Variants in FAM153A observed in about 807,000 individuals in gnomAD.
FAM153A encodes the protein protein FAM153A.
Under a neutral mutation model 48.1 loss-of-function variants are expected in FAM153A, and 12 were observed. That is an observed-to-expected ratio of 0.25 (90% CI 0.16 to 0.40). The LOEUF (loss-of-function observed/expected upper bound fraction) is 0.40, where lower values mean the gene tolerates loss of function less well. Ranked by LOEUF, FAM153A falls within the 10% of genes least tolerant of loss-of-function variation. The pLI is 1.00. For missense variants in FAM153A, 111 were observed against 345.8 expected, an observed-to-expected ratio of 0.32 and a Z score of 5.38; for synonymous variants, 36 against 118.2, an observed-to-expected ratio of 0.30 and a Z score of 4.51.
chr5:177,705,107 C>T (rs200784047), downstream of FAM153A, among the ~76,000 whole-genome samples: 4 of 150,468 alleles, frequency 2.7e-5, no homozygotes, highest in East Asian at 7.8e-4. Context: ...AGTTCAAAAC[C>T]AGCCTGGCCA....
chr5:177,754,378 C>T (rs1360822627), upstream of FAM153A, among the ~76,000 whole-genome samples: 2 of 151,578 alleles, frequency 1.3e-5, no homozygotes, highest in Admixed American at 1.3e-4. Context: ...CTCAAGGAGG[C>T]CTGCCTGCCT....
the FAM153A span, among the ~76,000 whole-genome samples, chr5:177,696,132 T>C: frequency 2.0e-3 from 190 of 94,410 alleles, 8 homozygotes; most frequent in African/African-American, 8.7e-3. Context: ...GAGGCGCTCC[T>C]CACTTCCCAG....
At chr5:177,707,795 A>G (rs1757997552), downstream of FAM153A, among the ~76,000 whole-genome samples, 1 of 151,792 alleles carries the variant, frequency 6.6e-6, no homozygotes, top group Non-Finnish European at 1.5e-5. Flanking sequence ...TCCTGACCTC[A>G]GGTGATCCAC....
upstream of FAM153A, among the ~76,000 whole-genome samples, chr5:177,781,885 A>ATC (rs1389910607): frequency 1.5e-5 from 1 of 67,272 alleles, no homozygotes; most frequent in Non-Finnish European, 3.1e-5. Context: ...CGCCCGGCTA[A>ATC]TTTTTTTTTT....
chr5:177,737,873 C>A (rs1194060848), intron 10 of FAM153A, among the ~76,000 whole-genome samples: 1 of 151,708 alleles, frequency 6.6e-6, no homozygotes, highest in Non-Finnish European at 1.5e-5. Context: ...GAGATTAATT[C>A]TATTAAAATA....
chr5:177,694,672 C>A, the FAM153A span, among the ~76,000 whole-genome samples: 1 of 85,732 alleles, frequency 1.2e-5, no homozygotes, highest in Non-Finnish European at 2.3e-5. Flanking sequence ...ACTGATAACA[C>A]CAACGTTGCA....
At chr5:177,698,446 T>C in the FAM153A span, among the ~76,000 whole-genome samples, 1 of 151,886 alleles carries the variant, frequency 6.6e-6, no homozygotes, top group South Asian at 2.1e-4. Context: ...ACTGACAAAC[T>C]TGGACACGGT....
At chr5:177,759,497 C>T (rs1768093404) in intron 1 of FAM153A, among the ~76,000 whole-genome samples, 1 of 151,702 alleles carries the variant, frequency 6.6e-6, no homozygotes, top group Non-Finnish European at 1.5e-5. Context: ...AATCATGCTG[C>T]TATAAAGACA....
intron 1 of FAM153A, among the ~76,000 whole-genome samples, chr5:177,759,187 C>T (rs1768057409): frequency 6.6e-6 from 1 of 151,886 alleles, no homozygotes; most frequent in Admixed American, 6.5e-5. Flanking sequence ...CAAAAGAAGA[C>T]ATTTATGCAG....
At chr5:177,781,271 T>C (rs1420620764), upstream of FAM153A, among the ~76,000 whole-genome samples, 1 of 136,992 alleles carries the variant, frequency 7.3e-6, no homozygotes, top group African/African-American at 3.0e-5. Context: ...GCTATTTTTT[T>C]TTTTTTTTTT....
At chr5:177,706,184 A>AT (rs1757869058), downstream of FAM153A, among the ~76,000 whole-genome samples, 3 of 118,304 alleles carry the variant, frequency 2.5e-5, no homozygotes, top group South Asian at 7.6e-4. Context: ...GTTGGAAAAA[A>AT]TATGTTTTTT....
chr5:177,705,266 T>C (rs1421723662), downstream of FAM153A, among the ~76,000 whole-genome samples: 1 of 151,688 alleles, frequency 6.6e-6, no homozygotes, highest in African/African-American at 2.4e-5. Flanking sequence ...ATCATGCCAC[T>C]ATACTCCAGC....
intron 1 of FAM153A, among the ~76,000 whole-genome samples, chr5:177,769,651 G>A (rs1768997321): frequency 1.0e-5 from 1 of 96,442 alleles, no homozygotes; most frequent in Non-Finnish European, 2.1e-5. Flanking sequence ...GCTCAAGAGA[G>A]CTCAATGTGT....
At chr5:177,704,395 G>C (rs1582087281), downstream of FAM153A, among the ~76,000 whole-genome samples, 1 of 50,478 alleles carries the variant, frequency 2.0e-5, no homozygotes, top group Non-Finnish European at 3.5e-5. Flanking sequence ...GCATGGTGGG[G>C]GGTGATTGGA....
chr5:177,722,239 C>G (rs1430736678), downstream of FAM153A: 2 of 125,404 alleles, frequency 1.6e-5, no homozygotes, highest in Non-Finnish European at 3.3e-5. Context: ...AAGTGATTCT[C>G]CTGCCTCAGC....
intron 10 of FAM153A, among the ~76,000 whole-genome samples, chr5:177,738,503 G>C (rs1446970301): frequency 6.6e-6 from 1 of 151,404 alleles, no homozygotes; most frequent in Non-Finnish European, 1.5e-5. Flanking sequence ...ACACATAGGT[G>C]CTAAAACTCT....
intron 1 of FAM153A, among the ~76,000 whole-genome samples, chr5:177,752,618 CAAAAAAA>C (rs71274705): frequency 6.4e-5 from 2 of 31,012 alleles, no homozygotes; most frequent in South Asian, 3.2e-3. Flanking sequence ...GAGACTCTGC[CAAAAAAA>C]AAAAAAAAAA....
downstream of FAM153A, among the ~76,000 whole-genome samples, chr5:177,703,184 A>G (rs1757599134): frequency 6.6e-6 from 1 of 152,138 alleles, no homozygotes; most frequent in African/African-American, 2.4e-5. Flanking sequence ...GCAAAGCCAC[A>G]GGGGCAGAGT....
chr5:177,705,660 T>TTC (rs1384409890), downstream of FAM153A, among the ~76,000 whole-genome samples: 10 of 29,404 alleles, frequency 3.4e-4, no homozygotes, highest in African/African-American at 1.1e-3. Flanking sequence ...TTCTTTTTCT[T>TTC]TTTTTTTTTT....
Sources: allele counts gnomAD v4.1 joint callset (sites outside exome capture counted in the v4.1 genomes callset), GRCh38; gene constraint gnomAD v4.1.1; transcripts MANE v1.5; gene names NCBI Gene and HGNC (gene_info 2026-07-23, HGNC 2026-07-21).